The following BRINP3 variants were observed in gnomAD, a reference collection of about 807,000 sequenced individuals.
BRINP3 encodes BMP/retinoic acid inducible neural specific 3, also known as BMP/retinoic acid-inducible neural-specific protein 3.
BRINP3 carries 19 observed loss-of-function variants against 71.0 expected under a neutral mutation model. The ratio of observed to expected loss-of-function variants is 0.27; its 90% confidence interval spans 0.19 to 0.39. BRINP3 has a LOEUF of 0.39. Ranked by LOEUF, BRINP3 falls within the 10% of genes least tolerant of loss-of-function variation. The pLI, the probability that BRINP3 is intolerant of heterozygous loss-of-function variation, is 1.00. For missense variants in BRINP3, 959 were observed against 940.8 expected (o/e 1.02, Z -0.25); for synonymous variants, 380 against 337.7 (o/e 1.13, Z -1.37).
intron 4 of BRINP3, among the ~76,000 whole-genome samples, chr1:190,256,148 T>G (rs1052985901): frequency 1.3e-5 from 2 of 152,196 alleles, no homozygotes; most frequent in Non-Finnish European, 2.9e-5. Flanking sequence ...TGTTGTGATT[T>G]CTGTTCTTTT....
chr1:190,444,269 A>AAAAAAAC (rs1675049871), intron 2 of BRINP3, among the ~76,000 whole-genome samples: 1 of 137,620 alleles, frequency 7.3e-6, no homozygotes, highest in Non-Finnish European at 1.6e-5. Flanking sequence ...AAAAAAAAAA[A>AAAAAAAC]AATCCCTTTG....
At chr1:190,124,198 G>T (rs950064556) in intron 7 of BRINP3, among the ~76,000 whole-genome samples, 15 of 152,064 alleles carry the variant, frequency 9.9e-5, no homozygotes, top group African/African-American at 3.6e-4. Flanking sequence ...TGAGAAAGTG[G>T]GTTTGCTTTG....
At chr1:190,301,972 T>C (rs1664771671) in intron 2 of BRINP3, among the ~76,000 whole-genome samples, 1 of 151,788 alleles carries the variant, frequency 6.6e-6, no homozygotes, top group African/African-American at 2.4e-5. Flanking sequence ...TACTTGTATA[T>C]AGATAGAAGC....
intron 2 of BRINP3, among the ~76,000 whole-genome samples, chr1:190,443,452 C>T (rs114676827): frequency 6.6e-6 from 1 of 151,776 alleles, no homozygotes; most frequent in African/African-American, 2.4e-5. Context: ...TCAAAGAACT[C>T]TGAGAATCTT....
At chr1:190,420,877 G>T (rs1673334317) in intron 2 of BRINP3, among the ~76,000 whole-genome samples, 1 of 151,760 alleles carries the variant, frequency 6.6e-6, no homozygotes, top group Non-Finnish European at 1.5e-5. Flanking sequence ...GGAGATTTCG[G>T]CTCTTCCATA....
intron 1 of BRINP3, among the ~76,000 whole-genome samples, chr1:190,469,517 T>G (rs1676986582): frequency 1.3e-5 from 2 of 151,082 alleles, no homozygotes; most frequent in Non-Finnish European, 3.0e-5. Flanking sequence ...TTTTTCATAA[T>G]TTTTCTTCTA....
chr1:190,267,071 C>T (rs1399211386), intron 3 of BRINP3, among the ~76,000 whole-genome samples: 1 of 152,102 alleles, frequency 6.6e-6, no homozygotes, highest in Non-Finnish European at 1.5e-5. Flanking sequence ...TATTATGAGA[C>T]TTCAACACAT....
At chr1:190,274,211 A>G (rs1056052718) in intron 3 of BRINP3, among the ~76,000 whole-genome samples, 1 of 151,540 alleles carries the variant, frequency 6.6e-6, no homozygotes, top group Non-Finnish European at 1.5e-5. Context: ...TATTGGTCAG[A>G]AGCAACAATT....
chr1:190,322,022 TTATATATGTGTGCA>T (rs752936388), intron 2 of BRINP3, among the ~76,000 whole-genome samples: 73 of 152,144 alleles, frequency 4.8e-4, no homozygotes, highest in South Asian at 1.4e-3. Flanking sequence ...AAATCTATTT[TTATATATGTGTGCA>T]TATATATGTG....
At chr1:190,287,206 G>A (rs12067650) in intron 2 of BRINP3, among the ~76,000 whole-genome samples, 2,132 of 152,132 alleles carry the variant, frequency 0.014, 43 homozygotes, top group African/African-American at 0.048. Context: ...AGCCTGGGCC[G>A]CAGAGCGAGA....
At chr1:190,234,622 C>A (rs1291197769) in intron 4 of BRINP3, 145 bp from the exon 5 acceptor site, 2 of 494,422 alleles carry the variant, frequency 4.0e-6, no homozygotes, top group Non-Finnish European at 7.3e-6. Flanking sequence ...CAGCAATACA[C>A]CCACCTAAAC....
At chr1:190,349,164 A>AT (rs925492272) in intron 2 of BRINP3, among the ~76,000 whole-genome samples, 1 of 152,120 alleles carries the variant, frequency 6.6e-6, no homozygotes, top group African/African-American at 2.4e-5. Context: ...CTGACACCAG[A>AT]AAATGACAGC....
intron 6 of BRINP3, among the ~76,000 whole-genome samples, chr1:190,165,739 C>T (rs1170286930): frequency 6.6e-6 from 1 of 150,468 alleles, no homozygotes; most frequent in Non-Finnish European, 1.5e-5. Context: ...CTCGACACTA[C>T]AGAAATACTA....
intron 7 of BRINP3, among the ~76,000 whole-genome samples, chr1:190,116,171 C>T (rs1374432435): frequency 6.6e-6 from 1 of 151,988 alleles, no homozygotes; most frequent in African/African-American, 2.4e-5. Context: ...ATTCTGGCAG[C>T]CTTAAATTTC....
intron 7 of BRINP3, among the ~76,000 whole-genome samples, chr1:190,128,264 C>T (rs1258946681): frequency 6.6e-6 from 1 of 151,754 alleles, no homozygotes; most frequent in Non-Finnish European, 1.5e-5. Flanking sequence ...CAAGATTTAT[C>T]ATATAGTAAG....
chr1:190,474,903 A>T (rs987007870), intron 1 of BRINP3: 3 of 152,234 alleles, frequency 2.0e-5, no homozygotes, highest in Admixed American at 1.3e-4. Flanking sequence ...GAGCGCTCCC[A>T]GTCCCAGATC....
intron 3 of BRINP3, among the ~76,000 whole-genome samples, chr1:190,275,776 A>C (rs1055039843): frequency 6.6e-6 from 1 of 151,670 alleles, no homozygotes; most frequent in Non-Finnish European, 1.5e-5. Flanking sequence ...CACCTTTACT[A>C]AGATCAACTG....
At chr1:190,216,758 T>C (rs1218485881) in intron 6 of BRINP3, among the ~76,000 whole-genome samples, 2 of 151,906 alleles carry the variant, frequency 1.3e-5, no homozygotes, top group Non-Finnish European at 2.9e-5. Context: ...TAATGAAATA[T>C]GCAAATTACT....
chr1:190,182,755 T>C (rs987027936), intron 6 of BRINP3, among the ~76,000 whole-genome samples: 7 of 152,086 alleles, frequency 4.6e-5, no homozygotes, highest in African/African-American at 1.7e-4. Context: ...GGAAAACCCT[T>C]ACCAGAAAGA....
Sources: gnomAD v4.1 joint callset for allele counts (sites outside exome capture counted in the v4.1 genomes callset) on GRCh38, gnomAD v4.1.1 for gene constraint, MANE v1.5 for transcripts, NCBI Gene and HGNC (gene_info 2026-07-23, HGNC 2026-07-21) for gene names.